Variants in COL4A4 observed in about 807,000 individuals in gnomAD.
COL4A4 encodes collagen alpha-4(IV) chain.
COL4A4 carries 105 observed loss-of-function variants against 192.9 expected under a neutral mutation model. The observed-to-expected ratio is 0.54, with a 90% CI of 0.46 to 0.64. The LOEUF (loss-of-function observed/expected upper bound fraction) is 0.64. Among genes scored for constraint, COL4A4 ranks in the 30% least tolerant of loss-of-function variants. The probability of loss-of-function intolerance (pLI) is 0.00; values close to 1 mark genes in which losing one functional copy is unlikely to be tolerated. For synonymous variants in COL4A4, 762 were observed against 769.9 expected (o/e 0.99, Z 0.17); for missense variants, 1,967 against 2,169.3 (o/e 0.91, Z 1.85).
the COL4A4 span, among the ~76,000 whole-genome samples, chr2:226,995,244 T>TA: frequency 6.6e-6 from 1 of 152,234 alleles, no homozygotes; most frequent in Non-Finnish European, 1.5e-5. Context: ...TGAACCACTC[T>TA]AAAAATATTT....
At chr2:227,083,151 C>T (rs754027937) in intron 22 of COL4A4, among the ~76,000 whole-genome samples, 4 of 152,140 alleles carry the variant, frequency 2.6e-5, no homozygotes, top group East Asian at 3.9e-4. Context: ...ATCACTTGAA[C>T]CCAGGAGGTG....
chr2:227,091,689 T>C (rs1232074685), intron 20 of COL4A4, among the ~76,000 whole-genome samples: 3 of 151,742 alleles, frequency 2.0e-5, no homozygotes, highest in South Asian at 4.2e-4. Flanking sequence ...GGGTCAGGAG[T>C]TTGAGACCAG....
At position 227,121,049 on chromosome 2, in the gene COL4A4, C is replaced by G; in HGVS notation, c.292G>C (p.Gly98Arg). Residue 98 changes from glycine to arginine, a missense_variant, in exon 5 of 48, where the codon GGC becomes CGC. Gly to Arg is a moderately radical substitution (Grantham distance 125). Coordinates refer to ENST00000396625, the MANE Select transcript of COL4A4 (RefSeq NM_000092.5). ...SGEKGMRGDR[G>R]PPGAAGDKGD... The stretch of plus-strand genomic sequence containing the variant: ...TTGTCCCCTGCTGCTCCAGGAGGGC[C>G]GCGGTCCCCTCTCATTCCTTTCTCT... 6.2e-7 allele frequency: 1 copy of G among 1,614,160 alleles called. No individual in the cohort carries two copies. Among genetic ancestry groups the G allele is most frequent in the East Asian group, 2.2e-5 (1 of 44,874 alleles).
chr2:227,057,433 A>C lies in COL4A4; in HGVS notation c.2545+6T>G. The C allele has an allele frequency of 6.3e-7, 1 of 1,599,836 alleles. No homozygotes were observed. The highest frequency in any genetic ancestry group is 8.5e-7 in the Non-Finnish European group (1 of 1,172,544). ...CCCCAGACCCTTCACAGTTCTTGAC[A>C]CTTACCTGGGCTACCTGGATACCCA... On this transcript the variant is annotated splice_donor_region_variant and intron_variant, in intron 29 of 47. Coordinates refer to ENST00000396625, the MANE Select transcript of COL4A4 (RefSeq NM_000092.5).
the COL4A4 span, among the ~76,000 whole-genome samples, chr2:226,979,920 G>A: frequency 1.1e-4 from 16 of 152,162 alleles, no homozygotes; most frequent in African/African-American, 3.9e-4. Context: ...GAGAACAATG[G>A]ACAAATTTGG....
rs912336323 is a variant in COL4A4 at position 227,057,385 on chromosome 2, TA to T, written c.2545+53del. 1.3e-5 allele frequency: 20 copies of T among 1,545,394 alleles called. No individual in the cohort carries two copies. The African/African-American group carries it at 1.6e-4, about 13-fold the overall frequency. Reference sequence around the variant, plus strand: ...TCCATAAAAGAGTAAAAGGGGAGCTTATTTAATTGTAAGTAGGGTAAGCCCC... The same window carrying T: ...TCCATAAAAGAGTAAAAGGGGAGCTTTTTAATTGTAAGTAGGGTAAGCCCC... On this transcript the variant is annotated intron_variant, in intron 29 of 47. Coordinates refer to ENST00000396625, the MANE Select transcript of COL4A4 (RefSeq NM_000092.5).
intron 37 of COL4A4, among the ~76,000 whole-genome samples, chr2:227,041,779 GAA>G (rs1971035993): frequency 3.2e-5 from 2 of 62,524 alleles, no homozygotes; most frequent in African/African-American, 6.0e-5. Flanking sequence ...AGGAAGGAAG[GAA>G]GGAAGGGAAA....
rs374744577 is a variant in COL4A4, at chr2:227,007,899, G to A, written c.4809+119C>T. On this transcript the variant is annotated intron_variant, in intron 47 of 47. Coordinates refer to ENST00000396625, the MANE Select transcript of COL4A4 (RefSeq NM_000092.5). ...CAGGCTATGGTTTGCAACAGTCCCCGTAACCTTATGTCCTAAGCGCAGAGT... is the reference window on the plus strand; with the variant it reads ...CAGGCTATGGTTTGCAACAGTCCCCATAACCTTATGTCCTAAGCGCAGAGT... 40 of 1,286,518 alleles carry A rather than the reference G, an allele frequency of 3.1e-5. No homozygotes were observed. In the East Asian group the frequency reaches 3.7e-4, roughly 12 times the overall value. The allele number at this position is 1,286,518 out of a possible 1,614,324, so 79.7% of individuals were successfully genotyped here.
At chr2:227,026,252 C>G (rs968106775) in intron 42 of COL4A4, among the ~76,000 whole-genome samples, 1 of 152,194 alleles carries the variant, frequency 6.6e-6, no homozygotes, top group Non-Finnish European at 1.5e-5. Flanking sequence ...AATCCCAGCA[C>G]TTTGGGAGGC....
At position 227,123,908 on chromosome 2, in the gene COL4A4, C is replaced by T. The variant is rs533989384; in HGVS notation, c.193-2760G>A. Among the ~76,000 whole-genome samples the T allele has an allele frequency of 4.6e-5, 7 of 152,354 alleles. No individual in the cohort carries two copies. The highest frequency in any genetic ancestry group is 8.8e-5 in the Non-Finnish European group (6 of 68,036). On this transcript the variant is annotated intron_variant, in intron 4 of 47. Transcript: ENST00000396625. The surrounding 1 kb of genome is among the most constrained non-coding windows in gnomAD (Gnocchi z 4.6). ...CCTGGGTTTGAAGCCCAGGACCACA[C>T]TGACTTGCTGTGTGACCTTGGGTAT... is the stretch of plus-strand genomic sequence containing the variant.
chr2:227,010,296 C>T lies in COL4A4; in HGVS notation c.4522+17G>A, dbSNP rs751572058. On this transcript the variant is annotated intron_variant, in intron 46 of 47. Coordinates refer to ENST00000396625, the MANE Select transcript of COL4A4 (RefSeq NM_000092.5). The stretch of plus-strand genomic sequence containing the variant: ...TTACTCTTCAGGCAATGGAGATGGG[C>T]GATCCTGTATCCATACCAAGGTCTT... 45 of 1,613,976 alleles carry T rather than the reference C, an allele frequency of 2.8e-5. No homozygotes were observed. Among genetic ancestry groups the T allele is most frequent in the Non-Finnish European group, 3.5e-5 (41 of 1,179,944 alleles).
chr2:227,074,429 G>C (rs148369822), intron 25 of COL4A4, among the ~76,000 whole-genome samples: 4 of 152,180 alleles, frequency 2.6e-5, no homozygotes, highest in African/African-American at 9.6e-5. Flanking sequence ...TGGAGAAAAG[G>C]GAACACTTAT....
intron 25 of COL4A4, 77 bp downstream of exon 25, chr2:227,077,817 T>C (rs1033306367): frequency 1.4e-5 from 19 of 1,324,694 alleles, no homozygotes; most frequent in Admixed American, 2.0e-5. Flanking sequence ...TTCACCACTA[T>C]ATAATTCTTC....
At chr2:227,019,243 T>C (rs1704216555) in intron 44 of COL4A4, among the ~76,000 whole-genome samples, 1 of 152,264 alleles carries the variant, frequency 6.6e-6, no homozygotes, top group Non-Finnish European at 1.5e-5. Context: ...AACCTGCAGC[T>C]AGGACTGCCT....
intron 1 of COL4A4, among the ~76,000 whole-genome samples, chr2:227,153,717 A>G (rs531333031): frequency 6.6e-5 from 10 of 152,322 alleles, no homozygotes; most frequent in African/African-American, 2.4e-4. Flanking sequence ...AGAATTGGAC[A>G]TTAGATGGCT....
intron 37 of COL4A4, among the ~76,000 whole-genome samples, chr2:227,041,707 GGAAGGAAGGGAGGAGGAAGGAAGGAAGGA>G (rs1559475020): frequency 1.3e-4 from 15 of 118,094 alleles, no homozygotes; most frequent in African/African-American, 5.2e-4. Context: ...AGAGAGAGAA[GGAAGGAAGGGAGGAGGAAGGAAGGAAGGA>G]AGGAAGGAAG....
chr2:227,159,011 A>G (rs1415887127), intron 1 of COL4A4, among the ~76,000 whole-genome samples: 1 of 152,224 alleles, frequency 6.6e-6, no homozygotes, highest in Non-Finnish European at 1.5e-5. Context: ...TTGTAGAAAA[A>G]TATTCATAGT....
chr2:227,150,205 G>C (rs893376231), intron 1 of COL4A4, among the ~76,000 whole-genome samples: 1 of 152,172 alleles, frequency 6.6e-6, no homozygotes, highest in Non-Finnish European at 1.5e-5. Flanking sequence ...TGAGGGCGTG[G>C]AAGAAGGAAG....
chr2:227,137,949 A>G (rs907158001), intron 4 of COL4A4, among the ~76,000 whole-genome samples: 1 of 152,106 alleles, frequency 6.6e-6, no homozygotes, highest in Non-Finnish European at 1.5e-5. Context: ...TACACAAAAA[A>G]GCTAAGGACT....
Sources: allele counts gnomAD v4.1 joint callset (sites outside exome capture counted in the v4.1 genomes callset), GRCh38; gene constraint gnomAD v4.1.1; non-coding constraint Gnocchi (gnomAD v3.1); transcripts MANE v1.5; gene names NCBI Gene and HGNC (gene_info 2026-07-23, HGNC 2026-07-21).